The following RGS6 variants were observed in gnomAD, a reference collection of about 807,000 sequenced individuals.
RGS6 encodes regulator of G protein signaling 6.
In RGS6, 30 loss-of-function variants were observed where a neutral mutation model predicts 78.5. The ratio of observed to expected loss-of-function variants is 0.38; its 90% CI spans 0.29 to 0.52. RGS6 has a LOEUF of 0.52. RGS6 is among the 20% of genes least tolerant of loss of function. The pLI is 0.85. For synonymous variants in RGS6, 206 were observed against 206.0 expected, an observed-to-expected ratio of 1.00 and a Z score of 0.00; for missense variants, 495 against 609.7, an observed-to-expected ratio of 0.81 and a Z score of 1.98.
chr14:72,299,734 A>G (rs932653686), intron 2 of RGS6, among the ~76,000 whole-genome samples: 2 of 152,204 alleles, frequency 1.3e-5, no homozygotes, highest in African/African-American at 4.8e-5. Flanking sequence ...ATGGCTAATG[A>G]TGTTGAGCAT....
chr14:72,465,858 G>A, intron 7 of RGS6, 36 bp downstream of exon 7: 1 of 1,541,688 alleles, frequency 6.5e-7, no homozygotes, highest in East Asian at 2.2e-5. Context: ...CATATAAGAA[G>A]AGAGTAAAAT....
chr14:72,399,820 T>A (rs966197467), intron 3 of RGS6, among the ~76,000 whole-genome samples: 1 of 152,024 alleles, frequency 6.6e-6, no homozygotes, highest in African/African-American at 2.4e-5. Context: ...AAATGAAGCA[T>A]GAAGAGAAGT....
At chr14:72,401,064 T>C (rs1454540868) in intron 3 of RGS6, among the ~76,000 whole-genome samples, 1 of 152,234 alleles carries the variant, frequency 6.6e-6, no homozygotes, top group East Asian at 1.9e-4. Context: ...TTCACTATTT[T>C]GATGCTATAA....
chr14:71,872,355 G>A, the RGS6 span, among the ~76,000 whole-genome samples: 2 of 151,358 alleles, frequency 1.3e-5, no homozygotes, highest in Non-Finnish European at 2.9e-5. Flanking sequence ...TATGTGGCAT[G>A]GCGGGACTCT....
intron 17 of RGS6, among the ~76,000 whole-genome samples, chr14:72,557,050 C>T (rs990270449): frequency 2.6e-5 from 4 of 152,228 alleles, no homozygotes; most frequent in African/African-American, 9.6e-5. Context: ...TCCCGCCCCT[C>T]CTCACTGCGG....
At chr14:71,910,388 C>G in the RGS6 span, among the ~76,000 whole-genome samples, 1 of 152,250 alleles carries the variant, frequency 6.6e-6, no homozygotes, top group African/African-American at 2.4e-5. Context: ...CCATAGTTTC[C>G]TACCTTTGAA....
intron 13 of RGS6, among the ~76,000 whole-genome samples, chr14:72,507,247 A>G (rs541415078): frequency 6.6e-6 from 1 of 152,274 alleles, no homozygotes; most frequent in South Asian, 2.1e-4. Context: ...ACACAGGAAG[A>G]GAGAGTGCAG....
chr14:72,105,010 CTCTAG>C (rs1194327036), intron 2 of RGS6, among the ~76,000 whole-genome samples: 5 of 152,206 alleles, frequency 3.3e-5, no homozygotes, highest in Non-Finnish European at 5.9e-5. Flanking sequence ...GGTCCTTGGT[CTCTAG>C]TCTAGTCACT....
rs568880559 is a variant in RGS6 at position 72,463,724 on chromosome 14, T to C, written c.395-2034T>C. On this transcript the variant is annotated intron_variant, in intron 6 of 17. Transcript: ENST00000553525. ...TGCCACCTCCACTGACCTGCACTGC[T>C]CAAAGGTAATCATGACCTGGCCCAG... is the stretch of plus-strand genomic sequence containing the variant. 2.0e-3 allele frequency among the ~76,000 whole-genome samples: 302 copies of C among 152,352 alleles called. 2 individuals are homozygous for C. Among genetic ancestry groups the C allele is most frequent in the African/African-American group, 7.0e-3 (292 of 41,582 alleles).
At chr14:72,135,949 A>G (rs2096432045) in intron 2 of RGS6, among the ~76,000 whole-genome samples, 1 of 152,178 alleles carries the variant, frequency 6.6e-6, no homozygotes, top group South Asian at 2.1e-4. Flanking sequence ...ACATTTTTGC[A>G]TGATCTCAAT....
At chr14:72,091,413 C>A (rs144573153) in intron 2 of RGS6, among the ~76,000 whole-genome samples, 1 of 152,064 alleles carries the variant, frequency 6.6e-6, no homozygotes, top group African/African-American at 2.4e-5. Context: ...GACAGGGGAC[C>A]AGGACCAGAT....
chr14:72,262,198 G>T (rs1204659329), intron 2 of RGS6, among the ~76,000 whole-genome samples: 2 of 152,204 alleles, frequency 1.3e-5, no homozygotes, highest in African/African-American at 4.8e-5. Flanking sequence ...ATGACAAATT[G>T]TCAATCTGGC....
At chr14:72,289,710 G>C (rs907720315) in intron 2 of RGS6, among the ~76,000 whole-genome samples, 8 of 152,104 alleles carry the variant, frequency 5.3e-5, no homozygotes, top group African/African-American at 1.7e-4. Context: ...TCTACATCCA[G>C]CATTCTTTAT....
chr14:72,099,778 A>G (rs2095490327), intron 2 of RGS6, among the ~76,000 whole-genome samples: 2 of 152,158 alleles, frequency 1.3e-5, no homozygotes, highest in African/African-American at 2.4e-5. Context: ...CCTTTTTGTG[A>G]AAGTGACAGT....
At chr14:71,968,179 A>G (rs1403484905) in intron 2 of RGS6, among the ~76,000 whole-genome samples, 2 of 152,138 alleles carry the variant, frequency 1.3e-5, no homozygotes, top group South Asian at 2.1e-4. Context: ...TGCCCAGTGT[A>G]ATGATGATAT....
chr14:72,347,750 C>T (rs760160810), intron 2 of RGS6, among the ~76,000 whole-genome samples: 11 of 152,152 alleles, frequency 7.2e-5, no homozygotes, highest in Non-Finnish European at 1.0e-4. Flanking sequence ...GGAGATGAGA[C>T]GCTGTGTATA....
chr14:72,128,445 C>G (rs1340323223), intron 2 of RGS6, among the ~76,000 whole-genome samples: 1 of 152,120 alleles, frequency 6.6e-6, no homozygotes, highest in Non-Finnish European at 1.5e-5. Context: ...ACCTGAATGA[C>G]TGCTCAATAT....
chr14:72,218,213 G>T (rs113132303), intron 2 of RGS6, among the ~76,000 whole-genome samples: 2 of 152,018 alleles, frequency 1.3e-5, no homozygotes, highest in Admixed American at 1.3e-4. Context: ...TGGGATTTCC[G>T]AGTCAAAGGC....
chr14:72,105,748 A>G lies in RGS6; in HGVS notation c.84+140873A>G, dbSNP rs569840487. Reference sequence around the variant, plus strand: ...AAGATTAGAAACGCTTATTTAGTTGATAATCTGTGTGACCAGAATTTATCC... The same window carrying G: ...AAGATTAGAAACGCTTATTTAGTTGGTAATCTGTGTGACCAGAATTTATCC... On this transcript the variant is annotated intron_variant, in intron 2 of 17. Coordinates refer to ENST00000553525, the MANE Select transcript of RGS6 (RefSeq NM_001204424.2). 2.0e-5 allele frequency among the ~76,000 whole-genome samples: 3 copies of G among 152,344 alleles called. No homozygotes were observed. In the East Asian group the frequency reaches 5.8e-4, roughly 29 times the overall value.
Sources: gnomAD v4.1 joint callset for allele counts (sites outside exome capture counted in the v4.1 genomes callset) on GRCh38, gnomAD v4.1.1 for gene constraint, MANE v1.5 for transcripts, NCBI Gene and HGNC (gene_info 2026-07-23, HGNC 2026-07-21) for gene names.